Variants in SENP7 observed in about 807,000 individuals in gnomAD.
SENP7 encodes SUMO specific peptidase 7.
Under a neutral mutation model 141.2 loss-of-function variants are expected in SENP7, and 64 were observed. The observed-to-expected ratio is 0.45, with a 90% CI of 0.37 to 0.56. The LOEUF is 0.56. Among genes scored for constraint, SENP7 ranks in the 20% least tolerant of loss-of-function variants. The pLI, the probability that SENP7 is intolerant of heterozygous loss-of-function variation, is 0.00. For missense variants in SENP7, 1,025 were observed against 1,212.2 expected, an observed-to-expected ratio of 0.85 and a Z score of 2.29; for synonymous variants, 382 against 426.4, an observed-to-expected ratio of 0.90 and a Z score of 1.28.
At chr3:101,451,506 C>G (rs1407665956) in intron 4 of SENP7, among the ~76,000 whole-genome samples, 2 of 152,186 alleles carry the variant, frequency 1.3e-5, no homozygotes, top group African/African-American at 4.8e-5. Flanking sequence ...CATCAAGAAG[C>G]TTATCCACCA....
At chr3:101,364,010 T>C (rs2059969634) in intron 10 of SENP7, among the ~76,000 whole-genome samples, 1 of 152,024 alleles carries the variant, frequency 6.6e-6, no homozygotes, top group Admixed American at 6.6e-5. Context: ...TTGAGCCCAG[T>C]AGTTAGAGAC....
intron 3 of SENP7, among the ~76,000 whole-genome samples, chr3:101,473,784 G>A (rs1204313818): frequency 6.6e-6 from 1 of 152,066 alleles, no homozygotes; most frequent in African/African-American, 2.4e-5. Flanking sequence ...ATTGCTTTTG[G>A]TATCTTTATC....
intron 16 of SENP7, among the ~76,000 whole-genome samples, chr3:101,338,259 C>T (rs1206479949): frequency 6.6e-6 from 1 of 152,018 alleles, no homozygotes; most frequent in Non-Finnish European, 1.5e-5. Flanking sequence ...AAGTACCTGC[C>T]CCTGTAGAGC....
chr3:101,328,665 G>C lies in SENP7; in HGVS notation c.2776C>G (p.Pro926Ala), dbSNP rs898236345. Residue 926 changes from proline to alanine, a missense_variant, in exon 21 of 24, where the codon CCA (proline) becomes GCA (alanine). This residue lies in a region of SENP7 where 295 missense variants were observed against 459.1 expected (regional missense o/e 0.64). Coordinates refer to ENST00000394095, the MANE Select transcript of SENP7 (RefSeq NM_020654.5). The part of the protein sequence containing the change: ...SQSTESNMSV[P>A]KKMCKRPCIL... ...ACCTACCTTTTACACATTTTCTTTGGTACTGACATATTCGACTCGGTACTC... is the reference window on the plus strand; with the variant it reads ...ACCTACCTTTTACACATTTTCTTTGCTACTGACATATTCGACTCGGTACTC... The C allele has an allele frequency of 9.9e-6, 16 of 1,608,228 alleles. No individual in the cohort carries two copies. Among genetic ancestry groups the C allele is most frequent in the Non-Finnish European group, 1.4e-5 (16 of 1,176,866 alleles).
chr3:101,427,208 G>C (rs1001316253), intron 4 of SENP7, among the ~76,000 whole-genome samples: 2 of 152,116 alleles, frequency 1.3e-5, no homozygotes, highest in Non-Finnish European at 2.9e-5. Context: ...GAAATTTGAG[G>C]CCAGGTGCAG....
chr3:101,394,326 C>T (rs1172524292), intron 6 of SENP7, among the ~76,000 whole-genome samples: 1 of 151,956 alleles, frequency 6.6e-6, no homozygotes, highest in Non-Finnish European at 1.5e-5. Flanking sequence ...ATACAGACAC[C>T]GTATTTCCAT....
At chr3:101,328,352 T>C in intron 22 of SENP7, 126 bp downstream of exon 22, 5 of 607,448 alleles carry the variant, frequency 8.2e-6, no homozygotes, top group Non-Finnish European at 1.4e-5. Context: ...ATTAAATTTA[T>C]AGGATTGTTG....
At chr3:101,379,894 A>T (rs529138795) in intron 6 of SENP7, among the ~76,000 whole-genome samples, 1 of 152,348 alleles carries the variant, frequency 6.6e-6, no homozygotes, top group Admixed American at 6.5e-5. Flanking sequence ...ATGGCATTAC[A>T]CACAATAGCC....
chr3:101,384,572 C>T (rs1427414116), intron 6 of SENP7, among the ~76,000 whole-genome samples: 3 of 152,232 alleles, frequency 2.0e-5, no homozygotes, highest in Non-Finnish European at 4.4e-5. Flanking sequence ...CCCGTGCCAG[C>T]ACCTGGAGCT....
intron 22 of SENP7, among the ~76,000 whole-genome samples, chr3:101,328,160 T>C (rs1201848321): frequency 6.6e-6 from 1 of 152,186 alleles, no homozygotes; most frequent in African/African-American, 2.4e-5. Context: ...TACATAATTA[T>C]ACAAATGTGA....
chr3:101,506,539 C>T (rs531393596), intron 1 of SENP7, among the ~76,000 whole-genome samples: 109 of 152,254 alleles, frequency 7.2e-4, no homozygotes, highest in African/African-American at 2.3e-3. Context: ...AACCAGTACA[C>T]TCTAGGCATA....
intron 3 of SENP7, among the ~76,000 whole-genome samples, chr3:101,492,169 G>T (rs542122633): frequency 6.6e-6 from 1 of 152,054 alleles, no homozygotes; most frequent in Non-Finnish European, 1.5e-5. Context: ...AGGCTGAGGT[G>T]GGAGGTTCAC....
chr3:101,474,133 C>G (rs1343737700), intron 3 of SENP7, among the ~76,000 whole-genome samples: 1 of 152,084 alleles, frequency 6.6e-6, no homozygotes, highest in African/African-American at 2.4e-5. Flanking sequence ...ATGATGCCTC[C>G]AGCTTTGTTC....
At chr3:101,416,345 C>T (rs900530388) in intron 5 of SENP7, among the ~76,000 whole-genome samples, 1 of 152,160 alleles carries the variant, frequency 6.6e-6, no homozygotes, top group African/African-American at 2.4e-5. Flanking sequence ...GACTACCACA[C>T]TGTTCTGATT....
chr3:101,392,326 C>T (rs1171800885), intron 6 of SENP7, among the ~76,000 whole-genome samples: 1 of 152,164 alleles, frequency 6.6e-6, no homozygotes, highest in Non-Finnish European at 1.5e-5. Context: ...AACCTAAATA[C>T]TCCATCCAAA....
chr3:101,373,614 G>GA (rs938549472), intron 6 of SENP7, among the ~76,000 whole-genome samples: 6 of 152,072 alleles, frequency 3.9e-5, no homozygotes, highest in South Asian at 2.1e-4. Context: ...TATGGTTGTA[G>GA]AAAAAAGACT....
At chr3:101,480,678 CA>C (rs1229443810) in intron 3 of SENP7, among the ~76,000 whole-genome samples, 2 of 151,964 alleles carry the variant, frequency 1.3e-5, no homozygotes, top group Non-Finnish European at 2.9e-5. Flanking sequence ...AGGAAACAAT[CA>C]ATAGAATGAA....
At chr3:101,420,218 A>G (rs2061747133) in intron 4 of SENP7, among the ~76,000 whole-genome samples, 1 of 152,184 alleles carries the variant, frequency 6.6e-6, no homozygotes, top group Admixed American at 6.5e-5. Context: ...AATACAAAAA[A>G]TTAGCCGGGC....
intron 13 of SENP7, among the ~76,000 whole-genome samples, chr3:101,346,375 A>G (rs1165704626): frequency 1.3e-5 from 2 of 152,186 alleles, no homozygotes; most frequent in African/African-American, 4.8e-5. Context: ...CTAAAAGTAG[A>G]ACTACCATTT....
Sources: gnomAD v4.1 joint callset for allele counts (sites outside exome capture counted in the v4.1 genomes callset) on GRCh38, gnomAD v4.1.1 for gene constraint, gnomAD v4.1.1 regional missense constraint, MANE v1.5 for transcripts, NCBI Gene and HGNC (gene_info 2026-07-23, HGNC 2026-07-21) for gene names.